SLIT3: variants seen among roughly 807,000 people sequenced by gnomAD.
SLIT3 encodes the protein slit guidance ligand 3, also known as slit homolog 3 protein.
A neutral mutation model predicts 184.0 loss-of-function variants in SLIT3; 68 were observed. The ratio of observed to expected loss-of-function variants is 0.37; its 90% CI spans 0.30 to 0.45. The LOEUF is 0.45. Ranked by LOEUF, SLIT3 falls within the 20% of genes least tolerant of loss-of-function variation. SLIT3 has a pLI of 1.00. For synonymous variants in SLIT3, 831 were observed against 828.6 expected, an observed-to-expected ratio of 1.00 and a Z score of -0.05; for missense variants, 1,707 against 2,026.0, an observed-to-expected ratio of 0.84 and a Z score of 3.02.
At chr5:168,916,316 C>A (rs1423439356) in intron 4 of SLIT3, among the ~76,000 whole-genome samples, 1 of 152,224 alleles carries the variant, frequency 6.6e-6, no homozygotes, top group African/African-American at 2.4e-5. Flanking sequence ...CACTCTTAAT[C>A]CAACAGAGCT....
chr5:169,015,596 C>T (rs1041010476), intron 4 of SLIT3, among the ~76,000 whole-genome samples: 1 of 152,134 alleles, frequency 6.6e-6, no homozygotes, highest in African/African-American at 2.4e-5. Context: ...TAGATACTCT[C>T]TAAGGATCTC....
intron 19 of SLIT3, 99 bp downstream of exon 19, chr5:168,749,373 G>A: frequency 7.1e-7 from 1 of 1,410,266 alleles, no homozygotes. Flanking sequence ...CCAAAGCAAA[G>A]TGGAATTGGA....
At position 168,684,070 on chromosome 5, in the gene SLIT3, G is replaced by A. The variant is rs769365368; in HGVS notation, c.3582C>T (p.Ile1194=). ...LQVATDKDNG[I]LLYKGDNDPL... ...GGTCATTGTCTCCTTTGTAGAGAAG[G>A]ATGCCGTTGTCCTTGTCAGTGGCCA... Residue 1194 remains isoleucine, a synonymous_variant, in exon 32 of 36, where the codon ATC becomes ATT. Transcript: ENST00000519560. The A allele has an allele frequency of 6.2e-6, 10 of 1,606,324 alleles. No homozygotes were observed. The African/African-American group carries it at 1.2e-4, about 19-fold the overall frequency.
At chr5:168,825,786 T>C (rs749850482) in intron 6 of SLIT3, among the ~76,000 whole-genome samples, 1 of 152,230 alleles carries the variant, frequency 6.6e-6, no homozygotes, top group Non-Finnish European at 1.5e-5. Context: ...CCAGGCACTC[T>C]GCCTTGGCAG....
chr5:169,166,062 G>T (rs1762628205), intron 4 of SLIT3, among the ~76,000 whole-genome samples: 1 of 152,122 alleles, frequency 6.6e-6, no homozygotes. Context: ...CTTGCCCAAG[G>T]TCACACAGTA....
At chr5:168,803,230 A>G (rs955410609) in intron 9 of SLIT3, among the ~76,000 whole-genome samples, 1 of 152,350 alleles carries the variant, frequency 6.6e-6, no homozygotes, top group South Asian at 2.1e-4. Flanking sequence ...CTATCATTTT[A>G]TAAAATAAAA....
intron 4 of SLIT3, among the ~76,000 whole-genome samples, chr5:168,991,920 C>A (rs1755345342): frequency 1.3e-5 from 2 of 152,242 alleles, no homozygotes; most frequent in Non-Finnish European, 1.5e-5. Context: ...AACGGCAGAC[C>A]CTTTCAGGGC....
intron 5 of SLIT3, among the ~76,000 whole-genome samples, chr5:168,875,125 G>C (rs1340919348): frequency 6.7e-6 from 1 of 148,658 alleles, no homozygotes; most frequent in Admixed American, 6.8e-5. Flanking sequence ...AGGAGGGAGG[G>C]AGAAAGAATG....
intron 32 of SLIT3, among the ~76,000 whole-genome samples, chr5:168,676,757 T>A (rs1049381520): frequency 6.6e-6 from 1 of 151,774 alleles, no homozygotes; most frequent in East Asian, 1.9e-4. Flanking sequence ...AGAAAGGGAG[T>A]TGTCAAGAGA....
At chr5:169,039,659 C>G (rs1241417481) in intron 4 of SLIT3, among the ~76,000 whole-genome samples, 1 of 152,156 alleles carries the variant, frequency 6.6e-6, no homozygotes, top group African/African-American at 2.4e-5. Context: ...ACAATATACC[C>G]TTTCCTTCCA....
intron 4 of SLIT3, among the ~76,000 whole-genome samples, chr5:169,048,077 C>T (rs2113049211): frequency 6.6e-6 from 1 of 152,340 alleles, no homozygotes. Context: ...TAATTGCCCC[C>T]AAACCTCAAT....
chr5:168,673,847 T>C (rs1761328771), intron 32 of SLIT3, among the ~76,000 whole-genome samples: 1 of 152,194 alleles, frequency 6.6e-6, no homozygotes, highest in Non-Finnish European at 1.5e-5. Flanking sequence ...TCATTATTTG[T>C]ATTCTTTTCT....
intron 4 of SLIT3, among the ~76,000 whole-genome samples, chr5:168,968,957 A>G (rs1484571439): frequency 6.6e-6 from 1 of 152,200 alleles, no homozygotes; most frequent in Non-Finnish European, 1.5e-5. Context: ...GGTGGAGTCT[A>G]CGAATAGGGC....
chr5:168,696,176 G>A (rs1403563819), intron 28 of SLIT3, 116 bp downstream of exon 28: 2 of 1,294,974 alleles, frequency 1.5e-6, no homozygotes, highest in Admixed American at 1.7e-5. Flanking sequence ...CACAGTCTTG[G>A]GGTCTTAGTC....
intron 5 of SLIT3, among the ~76,000 whole-genome samples, chr5:168,865,029 G>T (rs1479541155): frequency 2.0e-5 from 3 of 152,030 alleles, no homozygotes; most frequent in South Asian, 4.2e-4. Context: ...TTAGCCAGGC[G>T]TGGTGGTGGA....
At chr5:169,115,866 T>C (rs186250985) in intron 4 of SLIT3, among the ~76,000 whole-genome samples, 2 of 152,192 alleles carry the variant, frequency 1.3e-5, no homozygotes, top group South Asian at 2.1e-4. Context: ...CTGACAGCCA[T>C]GGAAGGCCAC....
At chr5:169,042,418 G>A (rs915971726) in intron 4 of SLIT3, among the ~76,000 whole-genome samples, 1 of 152,128 alleles carries the variant, frequency 6.6e-6, no homozygotes, top group Non-Finnish European at 1.5e-5. Flanking sequence ...AATTTCAAAG[G>A]CTTCACTCTT....
chr5:169,039,724 A>T (rs1009241249), intron 4 of SLIT3, among the ~76,000 whole-genome samples: 1 of 152,158 alleles, frequency 6.6e-6, no homozygotes, highest in African/African-American at 2.4e-5. Context: ...GACATATGAC[A>T]TGATGTCCCG....
intron 4 of SLIT3, among the ~76,000 whole-genome samples, chr5:169,165,301 A>G (rs1256767217): frequency 1.3e-5 from 2 of 152,218 alleles, no homozygotes; most frequent in African/African-American, 4.8e-5. Context: ...GCCTAGGCCA[A>G]CCTAAAAGAG....
Sources: gnomAD v4.1 joint callset for allele counts (sites outside exome capture counted in the v4.1 genomes callset) on GRCh38, gnomAD v4.1.1 for gene constraint, MANE v1.5 for transcripts, NCBI Gene and HGNC (gene_info 2026-07-23, HGNC 2026-07-21) for gene names.